LYPD3: variants seen among roughly 807,000 people sequenced by gnomAD.
LYPD3 encodes LY6/PLAUR domain containing 3.
Under a neutral mutation model 21.7 loss-of-function variants are expected in LYPD3, and 22 were observed. That is an observed-to-expected ratio of 1.01 (90% confidence interval 0.72 to 1.45). The LOEUF is 1.45. LYPD3 is among the 40% of genes most tolerant of loss of function. The pLI, the probability that LYPD3 is intolerant of heterozygous loss-of-function variation, is 0.00. For missense variants in LYPD3, 471 were observed against 466.9 expected, an observed-to-expected ratio of 1.01 and a Z score of -0.08; for synonymous variants, 179 against 203.0, an observed-to-expected ratio of 0.88 and a Z score of 1.00.
At chr19:43,464,487 C>T in intron 1 of LYPD3, 31 bp from the exon 2 acceptor site, 1 of 1,613,424 alleles carries the variant, frequency 6.2e-7, no homozygotes, top group Non-Finnish European at 8.5e-7. Context: ...AGACCTGAGC[C>T]CTCCTTGCTA....
Position 43,461,139 on chromosome 19 carries a change from C to CA in LYPD3, c.*211dup. ...ATGAGAAGGATACAGGAGCTGTCCT[C>CA]AAAAAGCTAGAACACCCCTGGCAGA... On this transcript the variant is annotated 3_prime_UTR_variant, in exon 5 of 5. Coordinates refer to ENST00000244333, the MANE Select transcript of LYPD3 (RefSeq NM_014400.3). 1.7e-6 allele frequency: 1 copy of CA among 596,794 alleles called. No homozygotes were observed. Among genetic ancestry groups the CA allele is most frequent in the South Asian group, 2.3e-5 (1 of 44,116 alleles). 37.0% of individuals were successfully genotyped at this position (596,794 alleles called of 1,614,324 possible). A position where few individuals can be genotyped will look rare whatever the true frequency, so the allele number is the denominator to read the frequency against.
intron 3 of LYPD3, 95 bp from the exon 4 acceptor site, chr19:43,463,382 T>C (rs1164424191): frequency 2.1e-6 from 3 of 1,456,470 alleles, no homozygotes; most frequent in East Asian, 4.8e-5. Flanking sequence ...GCCCCGGCAC[T>C]ATCGATGACC....
intron 4 of LYPD3, 139 bp downstream of exon 4, chr19:43,462,987 A>ACAAG (rs1970787115): frequency 1.6e-5 from 13 of 834,970 alleles, no homozygotes; most frequent in Non-Finnish European, 2.5e-5. Flanking sequence ...GCCCTACGAT[A>ACAAG]CAAGCACCTA....
intron 2 of LYPD3, 89 bp downstream of exon 2, chr19:43,464,234 GGC>G: frequency 6.7e-7 from 1 of 1,489,686 alleles, no homozygotes; most frequent in Non-Finnish European, 9.0e-7. Context: ...GCGTTAAAGG[GGC>G]GTGGCCAGAT....
chr19:43,464,574 T>C (rs1970806092), intron 1 of LYPD3, 118 bp from the exon 2 acceptor site: 1 of 1,348,770 alleles, frequency 7.4e-7, no homozygotes. Flanking sequence ...TGCACACACT[T>C]TTCCAGGGCA....
chr19:43,461,692 G>T lies in LYPD3; in HGVS notation c.700C>A (p.Arg234=), dbSNP rs137963990. The T allele has an allele frequency of 6.3e-5, 101 of 1,614,010 alleles. No individual in the cohort carries two copies. The highest frequency in any genetic ancestry group is 8.3e-5 in the Non-Finnish European group (98 of 1,180,034). ...GGCAGCCGGACAAGGGGTGGGATTC[G>T]AGGGGAGAAGTAGGTCTTGTTGCGG... ...DLRNKTYFSP[R]IPPLVRLPPP... is the part of the protein sequence containing the mutation. The change falls in exon 5 of 5, where the codon CGA becomes AGA. Residue 234 remains arginine, a synonymous_variant. Transcript: ENST00000244333.
chr19:43,463,533 C>T, intron 3 of LYPD3, 66 bp downstream of exon 3: 1 of 1,568,784 alleles, frequency 6.4e-7, no homozygotes, highest in Non-Finnish European at 8.6e-7. Flanking sequence ...TGCCACGGCT[C>T]CACCTCTATC....
intron 2 of LYPD3, 131 bp from the exon 3 acceptor site, chr19:43,463,900 T>C: frequency 1.1e-6 from 1 of 936,432 alleles, no homozygotes; most frequent in East Asian, 2.6e-5. Flanking sequence ...AGGCAGGAAT[T>C]GGCGGATGGA....
chr19:43,461,605 C>CTG lies in LYPD3; in HGVS notation c.785_786dup (p.Val263GlnfsTer2). On this transcript the variant is annotated frameshift_variant, in exon 5 of 5. Transcript: ENST00000244333. LOFTEE classifies it low-confidence loss of function (END_TRUNC). ...GGTTTGGTGGTGGATGTGGGTCTCA[C>CTG]TGGGGCCGAGGTAGAAGTGGTGACA... 1 of 1,614,144 alleles carries CTG rather than the reference C, an allele frequency of 6.2e-7. No individual in the cohort carries two copies. The highest frequency in any genetic ancestry group is 8.5e-7 in the Non-Finnish European group (1 of 1,180,022).
intron 2 of LYPD3, 191 bp from the exon 3 acceptor site, chr19:43,463,960 A>G: frequency 1.5e-6 from 1 of 665,526 alleles, no homozygotes. Context: ...AGCAGGGAGG[A>G]GCGGGGTCAC....
chr19:43,463,344 C>A (rs771170712), intron 3 of LYPD3, 57 bp from the exon 4 acceptor site: 1 of 1,569,020 alleles, frequency 6.4e-7, no homozygotes, highest in Non-Finnish European at 8.6e-7. Context: ...AACCGCAGCT[C>A]GTCCTCTAGC....
intron 2 of LYPD3, 33 bp downstream of exon 2, chr19:43,464,292 A>C (rs1463080984): frequency 1.9e-6 from 3 of 1,575,818 alleles, no homozygotes; most frequent in East Asian, 2.3e-5. Context: ...AGGAGCCTGC[A>C]GTGGTGTGCG....
chr19:43,464,300 G>A (rs1389381322), intron 2 of LYPD3, 25 bp downstream of exon 2: 1 of 1,582,464 alleles, frequency 6.3e-7, no homozygotes, highest in Non-Finnish European at 8.6e-7. Context: ...GCAGTGGTGT[G>A]CGTGGCCCGG....
At position 43,461,736 on chromosome 19, in the gene LYPD3, G is replaced by A; in HGVS notation, c.656C>T (p.Ser219Phe). ...FTLSGSCCQG[S>F]RCNSDLRNKT... ...GTTGCGGAGGTCAGAGTTACAGCGGGACCCCTGGCAACAGGAGCCACTGAG... is the reference window on the plus strand; with the variant it reads ...GTTGCGGAGGTCAGAGTTACAGCGGAACCCCTGGCAACAGGAGCCACTGAG... The change falls in exon 5 of 5, where the codon TCC (serine) becomes TTC (phenylalanine). Residue 219 changes from serine to phenylalanine, a missense_variant. Ser to Phe is a radical substitution (Grantham distance 155, BLOSUM62 -2). Coordinates refer to ENST00000244333, the MANE Select transcript of LYPD3 (RefSeq NM_014400.3). 6.2e-7 allele frequency: 1 copy of A among 1,614,088 alleles called. No homozygotes were observed. Among genetic ancestry groups the A allele is most frequent in the Non-Finnish European group, 8.5e-7 (1 of 1,180,010 alleles).
rs912430900 is a variant in LYPD3 at position 43,463,638 on chromosome 19, C to T, written c.343G>A (p.Ala115Thr). ...GCCCGCGAGGTGAGGTTGAGCTTGG[C>T]GTTGCAGCGATCCTGAGCGCATTGC... is the stretch of plus-strand genomic sequence containing the variant. ...LQQCAQDRCNAKLNLTSRALD... is the reference protein window; with the variant it reads ...LQQCAQDRCNTKLNLTSRALD... The change falls in exon 3 of 5, where the codon GCC becomes ACC. Residue 115 changes from alanine to threonine, a missense_variant. Coordinates refer to ENST00000244333, the MANE Select transcript of LYPD3 (RefSeq NM_014400.3). 1.5e-5 allele frequency: 24 copies of T among 1,605,666 alleles called. No homozygotes were observed. Among genetic ancestry groups the T allele is most frequent in the Non-Finnish European group, 2.0e-5 (24 of 1,179,910 alleles).
chr19:43,464,932 TTC>T (rs139452624), intron 1 of LYPD3, among the ~76,000 whole-genome samples: 45,425 of 126,824 alleles, frequency 0.36, 8,835 homozygotes, highest in East Asian at 0.57. Flanking sequence ...TTTTCTTTTT[TTC>T]TTTTTTTTTT....
At chr19:43,465,462 C>T (rs756862333) in intron 1 of LYPD3, 31 bp downstream of exon 1, 8 of 1,603,978 alleles carry the variant, frequency 5.0e-6, no homozygotes, top group Non-Finnish European at 6.8e-6. Flanking sequence ...CCCCACTCTA[C>T]CCCCTCCACC....
At position 43,464,305 on chromosome 19, in the gene LYPD3, G is replaced by GC. The variant is rs1568467971; in HGVS notation, c.211+19dup. 1 of 1,587,774 alleles carries GC rather than the reference G, an allele frequency of 6.3e-7. No individual in the cohort carries two copies. Among genetic ancestry groups the GC allele is most frequent in the Admixed American group, 1.8e-5 (1 of 55,518 alleles). ...GGAGGAGCCTGCAGTGGTGTGCGTGGCCCGGGGGTCCCCACTCACTGGTCT... is the reference window on the plus strand; with the variant it reads ...GGAGGAGCCTGCAGTGGTGTGCGTGGCCCCGGGGGTCCCCACTCACTGGTCT... On this transcript the variant is annotated intron_variant, in intron 2 of 4. Transcript: ENST00000244333.
At chr19:43,464,119 T>C in intron 2 of LYPD3, 1 of 748,754 alleles carries the variant, frequency 1.3e-6, no homozygotes, top group Non-Finnish European at 2.1e-6. Flanking sequence ...CCCCACCCAG[T>C]TCTCAACTCT....
Sources: allele counts gnomAD v4.1 joint callset (sites outside exome capture counted in the v4.1 genomes callset), GRCh38; gene constraint gnomAD v4.1.1; transcripts MANE v1.5; gene names NCBI Gene and HGNC (gene_info 2026-07-23, HGNC 2026-07-21).